The following SLC5A4 variants were observed in gnomAD, a reference collection of about 807,000 sequenced individuals.
SLC5A4 encodes the protein solute carrier family 5 member 4, also known as probable glucose sensor protein SLC5A4.
Under a neutral mutation model 70.3 loss-of-function variants are expected in SLC5A4, and 55 were observed. The observed-to-expected ratio is 0.78, with a 90% CI of 0.63 to 0.98. The LOEUF (loss-of-function observed/expected upper bound fraction) is 0.98. Among genes scored for constraint, SLC5A4 ranks in the 50% least tolerant of loss-of-function variants. The pLI is 0.00. For missense variants in SLC5A4, 735 were observed against 839.2 expected, an observed-to-expected ratio of 0.88 and a Z score of 1.53; for synonymous variants, 268 against 305.7, an observed-to-expected ratio of 0.88 and a Z score of 1.29.
chr22:32,347,906 CA>C, the SLC5A4 span, among the ~76,000 whole-genome samples: 4,399 of 148,332 alleles, frequency 0.03, 192 homozygotes, highest in African/African-American at 0.094. Flanking sequence ...AAATTACCCA[CA>C]AAAAAAAAAT....
chr22:32,304,415 T>G, the SLC5A4 span, among the ~76,000 whole-genome samples: 1 of 151,530 alleles, frequency 6.6e-6, no homozygotes, highest in South Asian at 2.1e-4. Flanking sequence ...GTACTGGGAT[T>G]ACAGGCGTGA....
chr22:32,291,332 T>A, the SLC5A4 span, among the ~76,000 whole-genome samples: 1 of 151,524 alleles, frequency 6.6e-6, no homozygotes, highest in African/African-American at 2.4e-5. Flanking sequence ...TGCGCCACCA[T>A]GCCTGGCCAA....
At chr22:32,238,083 G>C (rs1239538878) in intron 6 of SLC5A4, among the ~76,000 whole-genome samples, 1 of 151,968 alleles carries the variant, frequency 6.6e-6, no homozygotes, top group East Asian at 1.9e-4. Context: ...AGGAACTGTT[G>C]GAAGACATTA....
At chr22:32,330,971 ACTGGTGTGTG>A in the SLC5A4 span, among the ~76,000 whole-genome samples, 2 of 20,124 alleles carry the variant, frequency 9.9e-5, no homozygotes, top group African/African-American at 2.1e-4. Flanking sequence ...TGTTGGGGGC[ACTGGTGTGTG>A]TGTTGGGGGC....
chr22:32,328,859 C>G, the SLC5A4 span, among the ~76,000 whole-genome samples: 2 of 152,168 alleles, frequency 1.3e-5, no homozygotes, highest in African/African-American at 4.8e-5. Flanking sequence ...ATCTGGACAT[C>G]CCTCTACTCT....
At chr22:32,239,582 T>TATTTATATATATATA (rs1491159994) in intron 5 of SLC5A4, among the ~76,000 whole-genome samples, 2 of 16,154 alleles carry the variant, frequency 1.2e-4, no homozygotes, top group East Asian at 1.1e-3. Flanking sequence ...ATATATATAT[T>TATTTATATATATATA]TATATATATA....
chr22:32,311,428 C>G, the SLC5A4 span, among the ~76,000 whole-genome samples: 1 of 152,242 alleles, frequency 6.6e-6, no homozygotes, highest in South Asian at 2.1e-4. Flanking sequence ...AGTGTGTCTA[C>G]ACTGGCAGCG....
intron 3 of SLC5A4, 120 bp from the exon 4 acceptor site, chr22:32,248,922 T>C: frequency 1.5e-6 from 1 of 677,184 alleles, no homozygotes. Flanking sequence ...TCCTGTCCCA[T>C]TCAAACAACT....
In SLC5A4 at chr22:32,242,774, A is replaced by G. The variant is rs188559412; in HGVS notation, c.478-3684T>C. Among the ~76,000 whole-genome samples, 19 of 152,386 alleles carry G rather than the reference A, an allele frequency of 1.2e-4. No homozygotes were observed. The East Asian group carries it at 3.7e-3, about 29-fold the overall frequency. On this transcript the variant is annotated intron_variant, in intron 5 of 14. Coordinates refer to ENST00000266086, the MANE Select transcript of SLC5A4 (RefSeq NM_014227.3). ...GTAAACCAATGATAAATAGGAATGT[A>G]TCAGTCCATATCAGTAATAGATAAA...
At chr22:32,311,925 C>G in the SLC5A4 span, among the ~76,000 whole-genome samples, 12 of 152,198 alleles carry the variant, frequency 7.9e-5, no homozygotes, top group African/African-American at 2.9e-4. Context: ...TTCCTGCACC[C>G]CTGAGGTCAA....
the SLC5A4 span, among the ~76,000 whole-genome samples, chr22:32,352,297 T>G: frequency 6.7e-6 from 1 of 150,140 alleles, no homozygotes; most frequent in African/African-American, 2.5e-5. Flanking sequence ...AGGGATAGCA[T>G]TAGGAGATAT....
chr22:32,324,103 G>A, the SLC5A4 span, among the ~76,000 whole-genome samples: 1 of 150,438 alleles, frequency 6.6e-6, no homozygotes, highest in Admixed American at 6.7e-5. Context: ...GGACCCAGGA[G>A]GGGAGGTGTG....
At chr22:32,342,340 CTG>C in the SLC5A4 span, among the ~76,000 whole-genome samples, 1 of 152,052 alleles carries the variant, frequency 6.6e-6, no homozygotes, top group East Asian at 1.9e-4. Context: ...AGAATAAAAT[CTG>C]TAACTAATAA....
the SLC5A4 span, among the ~76,000 whole-genome samples, chr22:32,288,049 C>T: frequency 6.9e-6 from 1 of 145,412 alleles, no homozygotes; most frequent in East Asian, 2.0e-4. Context: ...GAGGTTTCAC[C>T]ATATTGGTCA....
At chr22:32,278,223 T>C in the SLC5A4 span, among the ~76,000 whole-genome samples, 63 of 152,356 alleles carry the variant, frequency 4.1e-4, no homozygotes, top group Admixed American at 1.7e-3. Context: ...ACAAAATCAT[T>C]TGAGCTGTGA....
the SLC5A4 span, among the ~76,000 whole-genome samples, chr22:32,280,749 G>A: frequency 7.2e-5 from 11 of 152,162 alleles, no homozygotes; most frequent in Admixed American, 2.0e-4. Context: ...AACTAACGAC[G>A]GGCATGGACC....
At chr22:32,315,794 TAAA>T in the SLC5A4 span, among the ~76,000 whole-genome samples, 2,440 of 95,876 alleles carry the variant, frequency 0.025, 92 homozygotes, top group African/African-American at 0.085. Context: ...CACACTTGCT[TAAA>T]AAAAAAAAAA....
intron 3 of SLC5A4, among the ~76,000 whole-genome samples, chr22:32,249,356 C>T (rs780726020): frequency 1.4e-4 from 21 of 152,136 alleles, no homozygotes; most frequent in Non-Finnish European, 2.4e-4. Context: ...TAAGGGGGCC[C>T]AAGGTCACAG....
intron 1 of SLC5A4, 66 bp downstream of exon 1, chr22:32,255,129 T>G: frequency 1.4e-6 from 2 of 1,427,202 alleles, no homozygotes; most frequent in Non-Finnish European, 2.0e-6. Context: ...CCACACCCCT[T>G]CCCCCCTTAA....
Sources: allele counts gnomAD v4.1 joint callset (sites outside exome capture counted in the v4.1 genomes callset), GRCh38; gene constraint gnomAD v4.1.1; transcripts MANE v1.5; gene names NCBI Gene and HGNC (gene_info 2026-07-23, HGNC 2026-07-21).